Variants in NUMB observed in about 807,000 individuals in gnomAD.
NUMB encodes NUMB endocytic adaptor protein, also known as protein numb homolog.
Under a neutral mutation model 59.7 loss-of-function variants are expected in NUMB, and 29 were observed. That is an observed-to-expected ratio of 0.49 (90% CI 0.36 to 0.66). The LOEUF is 0.66. Ranked by LOEUF, NUMB falls within the 30% of genes least tolerant of loss-of-function variation. The probability of loss-of-function intolerance (pLI) is 0.00; values close to 1 mark genes in which losing one functional copy is unlikely to be tolerated. For missense variants in NUMB, 723 were observed against 822.0 expected (o/e 0.88, Z 1.47); for synonymous variants, 288 against 288.2 (o/e 1.00, Z 0.01).
At chr14:73,313,475 G>A (rs559300854) in intron 6 of NUMB, among the ~76,000 whole-genome samples, 1 of 150,734 alleles carries the variant, frequency 6.6e-6, no homozygotes, top group South Asian at 2.1e-4. Flanking sequence ...TTTGTTTCAT[G>A]CACAAAATTA....
At chr14:73,434,425 C>T (rs1332932213) in intron 1 of NUMB, among the ~76,000 whole-genome samples, 1 of 152,182 alleles carries the variant, frequency 6.6e-6, no homozygotes, top group African/African-American at 2.4e-5. Flanking sequence ...GCATTGGCTG[C>T]TGCTAGTACT....
At chr14:73,395,543 C>A (rs1896090621) in intron 2 of NUMB, among the ~76,000 whole-genome samples, 1 of 152,048 alleles carries the variant, frequency 6.6e-6, no homozygotes, top group African/African-American at 2.4e-5. Context: ...ACTGCTTGAG[C>A]CCGGGAGGTC....
intron 2 of NUMB, among the ~76,000 whole-genome samples, chr14:73,385,210 C>A (rs1367211892): frequency 6.6e-6 from 1 of 151,392 alleles, no homozygotes; most frequent in Non-Finnish European, 1.5e-5. Flanking sequence ...GTCGCCCAAG[C>A]TGGAAGTGGT....
At chr14:73,406,440 C>T (rs1175306587) in intron 2 of NUMB, among the ~76,000 whole-genome samples, 1 of 152,038 alleles carries the variant, frequency 6.6e-6, no homozygotes, top group African/African-American at 2.4e-5. Flanking sequence ...TTTTTTATGG[C>T]TGCATAGTAT....
chr14:73,343,844 T>C (rs973272469), intron 4 of NUMB, among the ~76,000 whole-genome samples: 7 of 151,732 alleles, frequency 4.6e-5, no homozygotes, highest in African/African-American at 1.7e-4. Context: ...TATAGGCTTA[T>C]AAAAGAAACT....
rs1447390447 is a variant in NUMB at position 73,349,362 on chromosome 14, C to A, written c.126+6264G>T. On this transcript the variant is annotated intron_variant, in intron 4 of 12. Coordinates refer to ENST00000555238, the MANE Select transcript of NUMB (RefSeq NM_001005743.2). ...TAGCACTTTGGGAGGCCAAGGTGGG[C>A]GGATCATCTGAGGTCAGGAGTTCAT... 5.3e-5 allele frequency among the ~76,000 whole-genome samples: 8 copies of A among 151,382 alleles called. No individual in the cohort carries two copies. The East Asian group carries it at 1.6e-3, about 29-fold the overall frequency.
intron 1 of NUMB, among the ~76,000 whole-genome samples, chr14:73,423,320 T>C (rs1195978355): frequency 6.8e-6 from 1 of 145,988 alleles, no homozygotes; most frequent in Non-Finnish European, 1.5e-5. Context: ...GCCAACATGA[T>C]GAAACCCTGT....
At chr14:73,413,782 AAAAC>A (rs1172266323) in intron 1 of NUMB, among the ~76,000 whole-genome samples, 1 of 152,100 alleles carries the variant, frequency 6.6e-6, no homozygotes, top group Non-Finnish European at 1.5e-5. Context: ...ACTCCAAGTC[AAAAC>A]AAACAAAATA....
At chr14:73,440,611 T>C (rs1269742633) in intron 1 of NUMB, among the ~76,000 whole-genome samples, 1 of 151,540 alleles carries the variant, frequency 6.6e-6, no homozygotes, top group Non-Finnish European at 1.5e-5. Context: ...TTTGGGAGGC[T>C]GAGGCGGGCG....
At chr14:73,447,762 A>AT (rs1883633100) in intron 1 of NUMB, among the ~76,000 whole-genome samples, 1 of 150,800 alleles carries the variant, frequency 6.6e-6, no homozygotes, top group Non-Finnish European at 1.5e-5. Flanking sequence ...GTAAATGGAC[A>AT]TTTGCAGTTC....
At chr14:73,357,883 C>T (rs559739754) in intron 3 of NUMB, among the ~76,000 whole-genome samples, 2 of 76,948 alleles carry the variant, frequency 2.6e-5, no homozygotes, top group Admixed American at 3.7e-4. Flanking sequence ...TATCCTGAGG[C>T]CCCCCCCAAA....
chr14:73,450,656 G>T (rs113774696), intron 1 of NUMB, among the ~76,000 whole-genome samples: 2 of 152,006 alleles, frequency 1.3e-5, no homozygotes, highest in African/African-American at 4.8e-5. Flanking sequence ...TTAGCCGGGC[G>T]TGGTGGCACA....
At chr14:73,332,263 T>G (rs1405148757) in intron 4 of NUMB, among the ~76,000 whole-genome samples, 1 of 152,086 alleles carries the variant, frequency 6.6e-6, no homozygotes, top group Non-Finnish European at 1.5e-5. Flanking sequence ...TCTTTTTTTT[T>G]TCTTTTTTTT....
At chr14:73,381,832 GTAAT>G (rs1281396647) in intron 2 of NUMB, among the ~76,000 whole-genome samples, 1 of 151,960 alleles carries the variant, frequency 6.6e-6, no homozygotes, top group East Asian at 1.9e-4. Context: ...ATAATTATAA[GTAAT>G]TAATAAAAAC....
At chr14:73,313,295 T>C (rs1048968474) in intron 6 of NUMB, among the ~76,000 whole-genome samples, 2 of 152,008 alleles carry the variant, frequency 1.3e-5, no homozygotes, top group African/African-American at 4.8e-5. Context: ...ATGTCTTTTT[T>C]TTTTTGAAAG....
chr14:73,360,648 A>C (rs1894055868), intron 3 of NUMB, among the ~76,000 whole-genome samples: 1 of 152,120 alleles, frequency 6.6e-6, no homozygotes, highest in Non-Finnish European at 1.5e-5. Flanking sequence ...CCTTTCAGTT[A>C]ACTGCAAGCT....
At chr14:73,387,740 A>AC (rs1295924038) in intron 2 of NUMB, among the ~76,000 whole-genome samples, 1 of 149,196 alleles carries the variant, frequency 6.7e-6, no homozygotes, top group South Asian at 2.1e-4. Context: ...CTCAAAAAAA[A>AC]AAAAACAAAA....
At chr14:73,345,917 A>C (rs1356468973) in intron 4 of NUMB, among the ~76,000 whole-genome samples, 8 of 152,106 alleles carry the variant, frequency 5.3e-5, no homozygotes, top group East Asian at 1.9e-4. Flanking sequence ...TCAAAAAAAA[A>C]CCAAAAAAAC....
chr14:73,407,958 T>G (rs1320189733), intron 2 of NUMB, among the ~76,000 whole-genome samples: 1 of 152,206 alleles, frequency 6.6e-6, no homozygotes, highest in Non-Finnish European at 1.5e-5. Flanking sequence ...CCGGGCGTGG[T>G]GGCTCATGCC....
Sources: gnomAD v4.1 joint callset for allele counts (sites outside exome capture counted in the v4.1 genomes callset) on GRCh38, gnomAD v4.1.1 for gene constraint, MANE v1.5 for transcripts, NCBI Gene and HGNC (gene_info 2026-07-23, HGNC 2026-07-21) for gene names.